Variants in KIAA0319L observed in about 807,000 individuals in gnomAD.
The protein encoded by KIAA0319L is dyslexia-associated protein KIAA0319-like protein.
Under a neutral mutation model 120.1 loss-of-function variants are expected in KIAA0319L, and 55 were observed. The observed-to-expected ratio is 0.46, with a 90% CI of 0.37 to 0.57. KIAA0319L has a LOEUF of 0.57. KIAA0319L is among the 20% of genes least tolerant of loss of function. The pLI is 0.00. For missense variants in KIAA0319L, 1,049 were observed against 1,255.3 expected, an observed-to-expected ratio of 0.84 and a Z score of 2.48; for synonymous variants, 398 against 471.9, an observed-to-expected ratio of 0.84 and a Z score of 2.03.
intron 3 of KIAA0319L, 37 bp from the exon 4 acceptor site, chr1:35,479,249 G>C: frequency 1.3e-6 from 2 of 1,566,136 alleles, no homozygotes; most frequent in South Asian, 2.3e-5. Flanking sequence ...GTAGGTAAAA[G>C]TTACATAATT....
At chr1:35,467,512 C>A (rs1558370150) in intron 6 of KIAA0319L, among the ~76,000 whole-genome samples, 1 of 152,092 alleles carries the variant, frequency 6.6e-6, no homozygotes, top group Non-Finnish European at 1.5e-5. Context: ...AAATCATGTA[C>A]CAGTCATTGT....
intron 2 of KIAA0319L, among the ~76,000 whole-genome samples, chr1:35,549,046 G>GC (rs1647096193): frequency 6.6e-6 from 1 of 150,672 alleles, no homozygotes; most frequent in South Asian, 2.1e-4. Context: ...TCTGTGCGTT[G>GC]CATCTTTTTT....
At position 35,453,564 on chromosome 1, in the gene KIAA0319L, T is replaced by C. The variant is rs145385440; in HGVS notation, c.1906A>G (p.Lys636Glu). The stretch of plus-strand genomic sequence containing the variant: ...TTTTGTGTCAATACTCACTGTGTTT[T>C]TTCCCAGAGATATGAGATAATTTTC... The part of the protein sequence containing the change: ...DQKIISYLWE[K>E]TQGPDGVQLE... Residue 636 changes from lysine to glutamate, a missense_variant, in exon 12 of 21, where the codon AAA (lysine) becomes GAA (glutamate). Transcript: ENST00000325722. The surrounding 1 kb of genome is among the most constrained non-coding windows in gnomAD (Gnocchi z 4.1). 2.3e-4 allele frequency: 371 copies of C among 1,614,150 alleles called. No homozygotes were observed. Among genetic ancestry groups the C allele is most frequent in the Non-Finnish European group, 2.9e-4 (341 of 1,179,996 alleles).
intron 2 of KIAA0319L, among the ~76,000 whole-genome samples, chr1:35,546,546 G>C (rs1401399138): frequency 1.3e-5 from 2 of 152,208 alleles, no homozygotes; most frequent in Admixed American, 6.5e-5. Context: ...GATCAAGTCA[G>C]GGAACTGGAC....
chr1:35,453,407 G>A lies in KIAA0319L; in HGVS notation c.1913+150C>T. ...TTATGATTATAATATCATTTTCTTG[G>A]AGTTGAAGTTTGGAATTGCAAACAT... On this transcript the variant is annotated intron_variant, in intron 12 of 20. Transcript: ENST00000325722. The surrounding 1 kb of genome is among the most constrained non-coding windows in gnomAD (Gnocchi z 4.1). 1 of 649,388 alleles carries A rather than the reference G, an allele frequency of 1.5e-6. No homozygotes were observed. The highest frequency in any genetic ancestry group is 2.2e-5 in the South Asian group (1 of 45,972). The allele number at this position is 649,388 out of a possible 1,614,324, so 40.2% of individuals were successfully genotyped here.
intron 2 of KIAA0319L, among the ~76,000 whole-genome samples, chr1:35,519,588 C>T (rs1430101119): frequency 6.6e-6 from 1 of 152,214 alleles, no homozygotes; most frequent in Non-Finnish European, 1.5e-5. Flanking sequence ...GAACCTCACA[C>T]AGTAGCCTTC....
At chr1:35,491,978 A>G (rs1450741691) in intron 3 of KIAA0319L, among the ~76,000 whole-genome samples, 1 of 152,258 alleles carries the variant, frequency 6.6e-6, no homozygotes, top group Non-Finnish European at 1.5e-5. Flanking sequence ...ATAGCAATGT[A>G]TCTATCACAT....
intron 2 of KIAA0319L, among the ~76,000 whole-genome samples, chr1:35,521,845 C>A (rs1347924815): frequency 6.6e-6 from 1 of 150,950 alleles, no homozygotes; most frequent in Non-Finnish European, 1.5e-5. Flanking sequence ...TGGTGGCGGG[C>A]GCCTGTAGTC....
intron 5 of KIAA0319L, among the ~76,000 whole-genome samples, chr1:35,472,493 T>C (rs1643683859): frequency 1.3e-5 from 2 of 152,084 alleles, no homozygotes; most frequent in Admixed American, 6.5e-5. Flanking sequence ...AGTTTCACCA[T>C]GTTGGCCAAG....
At chr1:35,549,180 A>G (rs1180177082) in intron 2 of KIAA0319L, among the ~76,000 whole-genome samples, 1 of 151,864 alleles carries the variant, frequency 6.6e-6, no homozygotes, top group Non-Finnish European at 1.5e-5. Flanking sequence ...CCTTTCGAGT[A>G]GCTAGGACTA....
intron 2 of KIAA0319L, among the ~76,000 whole-genome samples, chr1:35,532,828 GA>G (rs1347107306): frequency 6.6e-6 from 1 of 152,200 alleles, no homozygotes; most frequent in Non-Finnish European, 1.5e-5. Context: ...GGAGCATGTA[GA>G]AAGCTTACCC....
intron 3 of KIAA0319L, among the ~76,000 whole-genome samples, chr1:35,499,660 G>T (rs1263502736): frequency 6.7e-6 from 1 of 150,146 alleles, no homozygotes; most frequent in Non-Finnish European, 1.5e-5. Context: ...GTAGATTAAA[G>T]AACCAGAACT....
intron 2 of KIAA0319L, among the ~76,000 whole-genome samples, chr1:35,541,349 CTTTTTTT>C (rs528087751): frequency 0.015 from 1,961 of 127,466 alleles, 63 homozygotes; most frequent in African/African-American, 0.056. Flanking sequence ...TTTTTTTTTC[CTTTTTTT>C]TTTTTTTTTT....
intron 14 of KIAA0319L, 130 bp downstream of exon 14, chr1:35,450,228 T>C (rs1641954504): frequency 9.0e-7 from 1 of 1,113,096 alleles, no homozygotes; most frequent in Non-Finnish European, 1.3e-6. Context: ...GCAAGTCACT[T>C]CACCTCCCTG....
intron 2 of KIAA0319L, among the ~76,000 whole-genome samples, chr1:35,515,743 T>A (rs552068548): frequency 6.6e-6 from 1 of 151,492 alleles, no homozygotes; most frequent in African/African-American, 2.4e-5. Context: ...CAAAAAAAAT[T>A]CAAAAGATCA....
intron 2 of KIAA0319L, among the ~76,000 whole-genome samples, chr1:35,539,727 C>A (rs763248809): frequency 2.0e-5 from 3 of 152,210 alleles, no homozygotes; most frequent in Non-Finnish European, 4.4e-5. Context: ...ACTGTAGCCA[C>A]CCCACTTCCA....
In KIAA0319L at chr1:35,449,941, T is replaced by C. The variant is rs958530661; in HGVS notation, c.2279A>G (p.Tyr760Cys). Residue 760 changes from tyrosine (Y) to cysteine (C), a missense_variant, in exon 15 of 21, where the codon TAC becomes TGC. Coordinates refer to ENST00000325722, the MANE Select transcript of KIAA0319L (RefSeq NM_024874.5). The stretch of plus-strand genomic sequence containing the variant: ...ATCGGTCACTTTCAGGTGAAAAGTG[T>C]AGGTTCCCTCAACCAGGTTTGAAAG... ...LFLSNLVEGT[Y>C]TFHLKVTDAK... 21 of 1,614,144 alleles carry C rather than the reference T, an allele frequency of 1.3e-5. No individual in the cohort carries two copies. The highest frequency in any genetic ancestry group is 1.5e-5 in the Non-Finnish European group (18 of 1,179,996).
chr1:35,449,545 G>A (rs887701729), intron 15 of KIAA0319L, among the ~76,000 whole-genome samples: 4 of 152,150 alleles, frequency 2.6e-5, no homozygotes, highest in African/African-American at 9.7e-5. Flanking sequence ...CATCAGTCAC[G>A]AGGAGAGGAG....
At chr1:35,502,219 G>A (rs1203007793) in intron 3 of KIAA0319L, among the ~76,000 whole-genome samples, 1 of 150,088 alleles carries the variant, frequency 6.7e-6, no homozygotes, top group Non-Finnish European at 1.5e-5. Context: ...AGGTTGCAGT[G>A]AGCCAAGATC....
Sources: gnomAD v4.1 joint callset for allele counts (sites outside exome capture counted in the v4.1 genomes callset) on GRCh38, gnomAD v4.1.1 for gene constraint, Gnocchi (gnomAD v3.1) non-coding constraint, MANE v1.5 for transcripts, NCBI Gene and HGNC (gene_info 2026-07-23, HGNC 2026-07-21) for gene names.